MACF1: variants seen among roughly 807,000 people sequenced by gnomAD.
MACF1 encodes microtubule actin crosslinking factor 1, also known as microtubule-actin cross-linking factor 1.
A neutral mutation model predicts 854.8 loss-of-function variants in MACF1; 193 were observed. The ratio of observed to expected loss-of-function variants is 0.23; its 90% confidence interval spans 0.20 to 0.25. MACF1 has a LOEUF of 0.25. MACF1 is among the 10% of genes least tolerant of loss of function. The pLI, the probability that MACF1 is intolerant of heterozygous loss-of-function variation, is 1.00. For missense variants in MACF1, 7,722 were observed against 8,929.1 expected (o/e 0.86, Z 5.45); for synonymous variants, 3,185 against 3,226.7 (o/e 0.99, Z 0.44).
At chr1:39,484,165 T>C in intron 99 of MACF1, among the ~76,000 whole-genome samples, 1 of 152,040 alleles carries the variant, frequency 6.6e-6, no homozygotes, top group East Asian at 1.9e-4. Context: ...AAAAATAAAA[T>C]AAAAAAAGAT....
At chr1:39,451,700 T>G (rs956653159) in intron 85 of MACF1, among the ~76,000 whole-genome samples, 5 of 152,162 alleles carry the variant, frequency 3.3e-5, no homozygotes, top group Non-Finnish European at 7.3e-5. Context: ...AACAGATTCT[T>G]ATTATGTGCA....
rs566851841 is a variant in MACF1 at position 39,264,910 on chromosome 1, A to G, written c.528+6882A>G. 7.9e-5 allele frequency among the ~76,000 whole-genome samples: 12 copies of G among 151,298 alleles called. No individual in the cohort carries two copies. The South Asian group carries it at 2.3e-3, about 29-fold the overall frequency. On this transcript the variant is annotated intron_variant, in intron 6 of 100. Coordinates refer to ENST00000564288, the MANE Select transcript of MACF1 (RefSeq NM_001394062.1). Reference sequence around the variant, plus strand: ...AGGATGGTCTCGATCTCCTGACCTCATGATCCACCCGCCTCGGCCTCCCAA... The same window carrying G: ...AGGATGGTCTCGATCTCCTGACCTCGTGATCCACCCGCCTCGGCCTCCCAA...
At chr1:39,370,006 G>C in intron 50 of MACF1, 24 bp from the exon 51 acceptor site, 1 of 1,598,178 alleles carries the variant, frequency 6.3e-7, no homozygotes, top group Non-Finnish European at 8.5e-7. Flanking sequence ...AGTCTGGCAA[G>C]TAACAAAACT....
Position 39,427,831 on chromosome 1 carries a change from A to G in MACF1, c.16477-130A>G. 5 of 930,298 alleles carry G rather than the reference A, an allele frequency of 5.4e-6. No individual in the cohort carries two copies. In the South Asian group the frequency reaches 7.2e-5, roughly 13 times the overall value. 57.6% of individuals were successfully genotyped at this position (930,298 alleles called of 1,614,324 possible). On this transcript the variant is annotated intron_variant, in intron 62 of 100. Coordinates refer to ENST00000564288, the MANE Select transcript of MACF1 (RefSeq NM_001394062.1). Reference sequence around the variant, plus strand: ...AACAGCTTTTGTTCCCAATTTTTATATTATTTTTGCCTTTCAGTCGGTGAG... The same window carrying G: ...AACAGCTTTTGTTCCCAATTTTTATGTTATTTTTGCCTTTCAGTCGGTGAG...
At chr1:39,113,721 A>G (rs1441343265) in intron 2 of MACF1, among the ~76,000 whole-genome samples, 1 of 152,156 alleles carries the variant, frequency 6.6e-6, no homozygotes, top group Non-Finnish European at 1.5e-5. Context: ...GGAGGATATC[A>G]GATCCCAGGC....
intron 99 of MACF1, among the ~76,000 whole-genome samples, 199 bp downstream of exon 99, chr1:39,481,229 C>T (rs1404019812): frequency 6.6e-6 from 1 of 152,148 alleles, no homozygotes; most frequent in East Asian, 1.9e-4. Context: ...ATAAGAGATG[C>T]CTGAAACTAG....
At chr1:39,291,269 G>A (rs574104693) in intron 15 of MACF1, among the ~76,000 whole-genome samples, 2 of 152,312 alleles carry the variant, frequency 1.3e-5, no homozygotes, top group East Asian at 1.9e-4. Flanking sequence ...GAGCCACTGC[G>A]CCTGGCAATC....
In MACF1 at chr1:39,353,184, G is replaced by A. The variant is rs766142241; in HGVS notation, c.11377G>A (p.Val3793Met). The A allele has an allele frequency of 1.9e-6, 3 of 1,611,264 alleles. No homozygotes were observed. In the South Asian group the frequency reaches 3.3e-5, roughly 18 times the overall value. Residue 3793 changes from valine (V) to methionine (M), a missense_variant, in exon 44 of 101, where the codon GTG (valine) becomes ATG (methionine). By Grantham distance (21) the Val-to-Met change is conservative. Coordinates refer to ENST00000564288, the MANE Select transcript of MACF1 (RefSeq NM_001394062.1). ...ALDTTDGYMG[V>M]NQAPEKLDKQ... Reference sequence around the variant, plus strand: ...GGACACCACTGATGGTTACATGGGGGTGAATCAAGCCCCAGAGAAACTGGA... The same window carrying A: ...GGACACCACTGATGGTTACATGGGGATGAATCAAGCCCCAGAGAAACTGGA...
chr1:39,216,045 A>G (rs1644573965), intron 1 of MACF1, among the ~76,000 whole-genome samples: 1 of 152,140 alleles, frequency 6.6e-6, no homozygotes, highest in Non-Finnish European at 1.5e-5. Flanking sequence ...GTGGCCTTGA[A>G]CAAGTGACTT....
chr1:39,381,386 G>T (rs1480070980), intron 55 of MACF1, among the ~76,000 whole-genome samples: 7 of 145,694 alleles, frequency 4.8e-5, no homozygotes, highest in Admixed American at 6.9e-5. Flanking sequence ...TTTGGGGGGG[G>T]GGACAGGGTC....
rs777946581 is a variant in MACF1, at chr1:39,317,420, C to G, written c.3782+13C>G. 6 of 1,609,898 alleles carry G rather than the reference C, an allele frequency of 3.7e-6. No individual in the cohort carries two copies. Among genetic ancestry groups the G allele is most frequent in the Non-Finnish European group, 4.2e-6 (5 of 1,178,868 alleles). ...AGCTCGAGATTCGGTGAGTGGTGGC[C>G]CCACCTTTTTCTCCTATTAGAGTTC... On this transcript the variant is annotated intron_variant, in intron 29 of 100. Coordinates refer to ENST00000564288, the MANE Select transcript of MACF1 (RefSeq NM_001394062.1).
At chr1:39,293,654 ATT>A (rs1336066490) in intron 18 of MACF1, 35 bp downstream of exon 18, 2 of 1,586,184 alleles carry the variant, frequency 1.3e-6, no homozygotes, top group African/African-American at 2.7e-5. Context: ...TGTCATACTT[ATT>A]TAACAGCAGC....
At chr1:39,474,517 GA>G (rs1230762775) in intron 97 of MACF1, among the ~76,000 whole-genome samples, 2 of 152,060 alleles carry the variant, frequency 1.3e-5, no homozygotes, top group South Asian at 4.2e-4. Flanking sequence ...CCCACATGGT[GA>G]AACCCTGTCT....
intron 99 of MACF1, among the ~76,000 whole-genome samples, chr1:39,481,366 C>G (rs1335146286): frequency 2.0e-5 from 3 of 152,332 alleles, no homozygotes; most frequent in African/African-American, 7.2e-5. Flanking sequence ...ATGTCAGATA[C>G]TCAGACGAGT....
chr1:39,289,324 A>T (rs1323872430), intron 15 of MACF1, among the ~76,000 whole-genome samples: 1 of 152,188 alleles, frequency 6.6e-6, no homozygotes, highest in East Asian at 1.9e-4. Context: ...ACTGTTCTCC[A>T]TAGTGGTTGT....
chr1:39,257,830 C>A, intron 5 of MACF1, 106 bp from the exon 6 acceptor site: 1 of 818,812 alleles, frequency 1.2e-6, no homozygotes, highest in Non-Finnish European at 2.0e-6. Context: ...AACTGTACAC[C>A]AAAAAAGAAA....
At chr1:39,274,613 C>G (rs538169520) in intron 6 of MACF1, among the ~76,000 whole-genome samples, 97 of 152,270 alleles carry the variant, frequency 6.4e-4, no homozygotes, top group African/African-American at 2.3e-3. Context: ...ATTTCAGTAT[C>G]TGCGGATTTT....
chr1:39,367,005 T>A (rs922270529), intron 49 of MACF1, among the ~76,000 whole-genome samples: 1 of 141,422 alleles, frequency 7.1e-6, no homozygotes, highest in Non-Finnish European at 1.5e-5. Context: ...TGGAGTGCAG[T>A]GGCACAATCT....
In MACF1 at chr1:39,480,206, T is replaced by TTC; in HGVS notation, c.22170+197_22170+198insTC. The TTC allele has an allele frequency of 1.6e-5, 7 of 448,456 alleles. No individual in the cohort carries two copies. The Admixed American group carries it at 2.3e-4, about 15-fold the overall frequency. The allele number at this position is 448,456 out of a possible 1,614,324, so 27.8% of individuals were successfully genotyped here. A position where few individuals can be genotyped will look rare whatever the true frequency, so the allele number is the denominator to read the frequency against. ...TAGCAGTACACAGATATATGGCCTTTAAGATGACTCCAAAGGACATTTATT... is the reference window on the plus strand; with the variant it reads ...TAGCAGTACACAGATATATGGCCTTTTCAAGATGACTCCAAAGGACATTTATT... On this transcript the variant is annotated intron_variant, in intron 98 of 100. Coordinates refer to ENST00000564288, the MANE Select transcript of MACF1 (RefSeq NM_001394062.1).
Sources: allele counts gnomAD v4.1 joint callset (sites outside exome capture counted in the v4.1 genomes callset), GRCh38; gene constraint gnomAD v4.1.1; transcripts MANE v1.5; gene names NCBI Gene and HGNC (gene_info 2026-07-23, HGNC 2026-07-21).